Variants in INPP5F observed in about 807,000 individuals in gnomAD.
INPP5F encodes the protein inositol polyphosphate-5-phosphatase F.
Under a neutral mutation model 137.2 loss-of-function variants are expected in INPP5F, and 97 were observed. The observed-to-expected ratio is 0.71, with a 90% CI of 0.60 to 0.84. The LOEUF is 0.84. INPP5F is among the 40% of genes least tolerant of loss of function. The pLI is 0.00. For missense variants in INPP5F, 1,271 were observed against 1,371.9 expected (o/e 0.93, Z 1.16); for synonymous variants, 504 against 476.9 (o/e 1.06, Z -0.74).
At chr10:119,806,529 T>C (rs967444706) in intron 12 of INPP5F, 49 bp downstream of exon 12, 1 of 1,519,436 alleles carries the variant, frequency 6.6e-7, no homozygotes, top group South Asian at 1.3e-5. Context: ...AAATGCTTTT[T>C]TTTTCCATGA....
intron 1 of INPP5F, among the ~76,000 whole-genome samples, chr10:119,733,894 C>T (rs1011300187): frequency 2.0e-5 from 3 of 152,120 alleles, no homozygotes; most frequent in Non-Finnish European, 4.4e-5. Flanking sequence ...TAGCACCTGG[C>T]CCATAACAGG....
At chr10:119,774,063 G>C (rs975369718) in intron 2 of INPP5F, among the ~76,000 whole-genome samples, 1 of 152,056 alleles carries the variant, frequency 6.6e-6, no homozygotes, top group African/African-American at 2.4e-5. Context: ...AAGAGATAGA[G>C]ACCGTCCTGG....
chr10:119,820,805 G>GGAAATGAAAATACTTAATCTC (rs1851530695), intron 15 of INPP5F, 41 bp from the exon 16 acceptor site: 1 of 1,494,342 alleles, frequency 6.7e-7, no homozygotes. Context: ...AAATGCAGAT[G>GGAAATGAAAATACTTAATCTC]GAAATGAAAA....
intron 15 of INPP5F, among the ~76,000 whole-genome samples, chr10:119,812,905 TTAATA>T (rs1274661728): frequency 2.0e-5 from 3 of 151,520 alleles, no homozygotes; most frequent in African/African-American, 7.3e-5. Flanking sequence ...GCAATCCAAC[TTAATA>T]TAGCACCAAA....
chr10:119,729,553 A>G (rs1051164864), intron 1 of INPP5F, among the ~76,000 whole-genome samples: 1 of 149,958 alleles, frequency 6.7e-6, no homozygotes, highest in Admixed American at 6.7e-5. Flanking sequence ...TTATATTTCT[A>G]TCTGATGTAG....
At chr10:119,825,086 G>A (rs140425103) in intron 19 of INPP5F, among the ~76,000 whole-genome samples, 12 of 152,332 alleles carry the variant, frequency 7.9e-5, no homozygotes, top group South Asian at 4.1e-4. Flanking sequence ...GAAAATCCAT[G>A]TCAGTGCATT....
chr10:119,730,899 T>C (rs1324786628), intron 1 of INPP5F, among the ~76,000 whole-genome samples: 1 of 151,968 alleles, frequency 6.6e-6, no homozygotes, highest in Non-Finnish European at 1.5e-5. Flanking sequence ...GCAATTCTCC[T>C]GCCTCAGCCT....
rs920192037 is a variant in INPP5F at position 119,806,695 on chromosome 10, G to A, written c.1440+215G>A. Among the ~76,000 whole-genome samples the A allele has an allele frequency of 2.0e-5, 3 of 152,094 alleles. No homozygotes were observed. The East Asian group carries it at 5.8e-4, about 29-fold the overall frequency. ...TTTCTTAATCACTCATTTCAAAAAT[G>A]TGACGGCCAACATTTTAAAGTCCAT... On this transcript the variant is annotated intron_variant, in intron 12 of 19. Coordinates refer to ENST00000650623, the MANE Select transcript of INPP5F (RefSeq NM_014937.4).
intron 1 of INPP5F, among the ~76,000 whole-genome samples, chr10:119,749,537 C>A (rs182825496): frequency 2.0e-5 from 3 of 152,198 alleles, no homozygotes; most frequent in Non-Finnish European, 4.4e-5. Context: ...CTGATTAGTT[C>A]CACGTATAAT....
At chr10:119,821,337 C>T (rs949402647) in intron 16 of INPP5F, among the ~76,000 whole-genome samples, 3 of 150,048 alleles carry the variant, frequency 2.0e-5, no homozygotes, top group East Asian at 2.0e-4. Flanking sequence ...TATGCAATAA[C>T]GTGTGTGTGT....
At chr10:119,742,730 C>T (rs1443939731) in intron 1 of INPP5F, among the ~76,000 whole-genome samples, 2 of 151,936 alleles carry the variant, frequency 1.3e-5, no homozygotes, top group Non-Finnish European at 2.9e-5. Context: ...CGGTAGCTCA[C>T]GCCTGTAATC....
At chr10:119,751,799 G>A (rs1374196331) in intron 2 of INPP5F, among the ~76,000 whole-genome samples, 1 of 152,176 alleles carries the variant, frequency 6.6e-6, no homozygotes, top group Non-Finnish European at 1.5e-5. Flanking sequence ...ACCCTTCAGG[G>A]AGCTTTTTAA....
intron 1 of INPP5F, among the ~76,000 whole-genome samples, chr10:119,742,414 C>G (rs1848402961): frequency 6.6e-6 from 1 of 152,132 alleles, no homozygotes; most frequent in South Asian, 2.1e-4. Context: ...CCTTGGCCTC[C>G]CAAAGTGCTG....
At position 119,753,070 on chromosome 10, in the gene INPP5F, A is replaced by G. The variant is rs1848734029; in HGVS notation, c.178+1914A>G. On this transcript the variant is annotated intron_variant, in intron 2 of 19. Coordinates refer to ENST00000650623, the MANE Select transcript of INPP5F (RefSeq NM_014937.4). ...GAGAAAAGCACTTAGTCGTTGAGTA[A>G]CCATGTAACCAAGTATTTTAATAAC... 2.0e-5 allele frequency among the ~76,000 whole-genome samples: 3 copies of G among 152,186 alleles called. No homozygotes were observed. The South Asian group carries it at 6.2e-4, about 32-fold the overall frequency.
At position 119,726,100 on chromosome 10, in the gene INPP5F, C is replaced by A; in HGVS notation, c.-163C>A. ...CGCCGCCGCTGCCGGGGCGCGTTCT[C>A]CTCCTACCGGTCGGGTGCCCCGGGG... On this transcript the variant is annotated 5_prime_UTR_variant, in exon 1 of 20. Coordinates refer to ENST00000650623, the MANE Select transcript of INPP5F (RefSeq NM_014937.4). 1 of 392,234 alleles carries A rather than the reference C, an allele frequency of 2.5e-6. No individual in the cohort carries two copies. The highest frequency in any genetic ancestry group is 6.5e-5 in the South Asian group (1 of 15,314). 24.3% of individuals were successfully genotyped at this position (392,234 alleles called of 1,614,324 possible).
intron 15 of INPP5F, among the ~76,000 whole-genome samples, chr10:119,817,291 C>T (rs1191254838): frequency 6.6e-6 from 1 of 152,146 alleles, no homozygotes; most frequent in Non-Finnish European, 1.5e-5. Flanking sequence ...CTGCTATGAA[C>T]ATTTGTGTAC....
intron 1 of INPP5F, 68 bp downstream of exon 1, chr10:119,726,427 C>T: frequency 1.0e-6 from 1 of 962,402 alleles, no homozygotes; most frequent in Non-Finnish European, 1.3e-6. Context: ...CGCGGCCGGA[C>T]CCCTCAGCCG....
intron 1 of INPP5F, among the ~76,000 whole-genome samples, chr10:119,735,832 G>C (rs144536376): frequency 1.3e-3 from 205 of 152,106 alleles, no homozygotes; most frequent in African/African-American, 4.7e-3. Context: ...AAATTACATC[G>C]CCTAAAATTC....
chr10:119,798,561 C>A lies in INPP5F; in HGVS notation c.1067C>A (p.Ala356Asp). The A allele has an allele frequency of 6.2e-7, 1 of 1,612,078 alleles. No homozygotes were observed. Among genetic ancestry groups the A allele is most frequent in the Non-Finnish European group, 8.5e-7 (1 of 1,179,008 alleles). Residue 356 changes from alanine to aspartate, a missense_variant, in exon 9 of 20, where the codon GCC becomes GAC. Around this residue, in one of 6 missense-constraint regions of INPP5F, gnomAD observed 593 missense variants for 712.4 expected, o/e 0.83. Coordinates refer to ENST00000650623, the MANE Select transcript of INPP5F (RefSeq NM_014937.4). ...RLDRSEKETV[A>D]YFCAHFEEQL... is the part of the protein sequence containing the mutation. ...TTTGTAGGTGAAAAGGAAACTGTTG[C>A]CTATTTCTGTGCCCATTTCGAAGAA... is the stretch of plus-strand genomic sequence containing the variant.
Sources: gnomAD v4.1 joint callset for allele counts (sites outside exome capture counted in the v4.1 genomes callset) on GRCh38, gnomAD v4.1.1 for gene constraint, gnomAD v4.1.1 regional missense constraint, MANE v1.5 for transcripts, NCBI Gene and HGNC (gene_info 2026-07-23, HGNC 2026-07-21) for gene names.